The following EFHD1 variants were observed in gnomAD, a reference collection of about 807,000 sequenced individuals.
The protein encoded by EFHD1 is EF-hand domain family member D1, also known as EF-hand domain-containing protein D1.
EFHD1 carries 10 observed loss-of-function variants against 17.2 expected under a neutral mutation model. That is an observed-to-expected ratio of 0.58 (90% confidence interval 0.36 to 0.99). The LOEUF is 0.99. Ranked by LOEUF, EFHD1 falls within the 50% of genes least tolerant of loss-of-function variation. EFHD1 has a pLI of 0.01. For synonymous variants in EFHD1, 153 were observed against 142.0 expected (o/e 1.08, Z -0.55); for missense variants, 310 against 327.5 (o/e 0.95, Z 0.41).
At chr2:232,679,396 C>CTT (rs142540466) in intron 3 of EFHD1, among the ~76,000 whole-genome samples, 7 of 148,606 alleles carry the variant, frequency 4.7e-5, no homozygotes, top group African/African-American at 1.7e-4. Context: ...ATTCTTTTAT[C>CTT]TTTTTTTTTT....
intron 1 of EFHD1, among the ~76,000 whole-genome samples, chr2:232,662,174 C>T: frequency 6.6e-6 from 1 of 152,166 alleles, no homozygotes; most frequent in Non-Finnish European, 1.5e-5. Context: ...GGCCAGTCAG[C>T]AGAGGGGTGG....
At chr2:232,659,813 C>A (rs905669550) in intron 1 of EFHD1, among the ~76,000 whole-genome samples, 2 of 152,172 alleles carry the variant, frequency 1.3e-5, no homozygotes, top group South Asian at 2.1e-4. Flanking sequence ...AGCATGGCAG[C>A]GTGTGCTTGG....
chr2:232,613,807 TACACACATATAC>T (rs1357574071), intron 1 of EFHD1, among the ~76,000 whole-genome samples: 1 of 125,622 alleles, frequency 8.0e-6, no homozygotes, highest in African/African-American at 3.0e-5. Flanking sequence ...CACAAAAATA[TACACACATATAC>T]ACACACAAAT....
At chr2:232,662,751 A>G in intron 1 of EFHD1, 51 bp from the exon 2 acceptor site, 1 of 1,546,650 alleles carries the variant, frequency 6.5e-7, no homozygotes, top group Non-Finnish European at 8.6e-7. Flanking sequence ...CATGTTTCGG[A>G]GACTAACGAG....
chr2:232,613,626 ACACACAT>A (rs1693848181), intron 1 of EFHD1, among the ~76,000 whole-genome samples: 2 of 132,014 alleles, frequency 1.5e-5, no homozygotes, highest in Admixed American at 1.5e-4. Flanking sequence ...ACACACACAC[ACACACAT>A]ATACACACAC....
At chr2:232,629,197 C>T (rs1694158916), upstream of EFHD1, among the ~76,000 whole-genome samples, 1 of 152,230 alleles carries the variant, frequency 6.6e-6, no homozygotes, top group South Asian at 2.1e-4. Context: ...CCGCTACCTT[C>T]AGGGATGGTT....
intron 3 of EFHD1, among the ~76,000 whole-genome samples, chr2:232,678,127 A>C (rs919253447): frequency 3.3e-5 from 5 of 151,936 alleles, no homozygotes; most frequent in Non-Finnish European, 7.4e-5. Context: ...ACTAAAAAAA[A>C]CAAAAATTAG....
intron 1 of EFHD1, among the ~76,000 whole-genome samples, chr2:232,615,312 AGT>A (rs35239145): frequency 0.017 from 2,309 of 136,520 alleles, 40 homozygotes; most frequent in African/African-American, 0.043. Context: ...TGTCAACTAT[AGT>A]GTGTGTGTGT....
intron 1 of EFHD1, among the ~76,000 whole-genome samples, chr2:232,622,206 G>T (rs562092535): frequency 6.6e-6 from 1 of 152,340 alleles, no homozygotes; most frequent in South Asian, 2.1e-4. Flanking sequence ...GGTGGCTTAC[G>T]CCTGTAATCC....
upstream of EFHD1, among the ~76,000 whole-genome samples, chr2:232,629,089 A>AG (rs1444489854): frequency 1.3e-5 from 2 of 152,204 alleles, no homozygotes; most frequent in Admixed American, 6.5e-5. Flanking sequence ...CTCCAGCCTT[A>AG]GCACAGCCCC....
chr2:232,642,159 T>A (rs1198551003), intron 1 of EFHD1, among the ~76,000 whole-genome samples: 5 of 151,446 alleles, frequency 3.3e-5, no homozygotes, highest in Non-Finnish European at 1.5e-5. Context: ...CCGAGGTGGG[T>A]GGATCACAAG....
At chr2:232,611,009 T>C (rs774209138) in intron 1 of EFHD1, 3 of 152,194 alleles carry the variant, frequency 2.0e-5, no homozygotes, top group Non-Finnish European at 4.4e-5. Flanking sequence ...AGACCTCATC[T>C]CTACAAATTT....
intron 3 of EFHD1, among the ~76,000 whole-genome samples, chr2:232,674,367 C>T (rs764315446): frequency 3.3e-5 from 5 of 152,202 alleles, no homozygotes; most frequent in Non-Finnish European, 4.4e-5. Flanking sequence ...GATGCAGCTG[C>T]GTGTCCGTGT....
chr2:232,624,391 G>A (rs1021752317), intron 1 of EFHD1, among the ~76,000 whole-genome samples: 3 of 152,236 alleles, frequency 2.0e-5, no homozygotes, highest in Admixed American at 6.5e-5. Context: ...GAGCCTGTGG[G>A]TCTGGCTTGG....
In EFHD1 at chr2:232,647,573, C is replaced by T. The variant is rs1028809585; in HGVS notation, c.302+13567C>T. Among the ~76,000 whole-genome samples the T allele has an allele frequency of 1.1e-4, 16 of 151,966 alleles. 1 individual carries two copies. The highest frequency in any genetic ancestry group is 2.4e-4 in the Non-Finnish European group (16 of 68,006). The stretch of plus-strand genomic sequence containing the variant: ...GATATCCACAGGGCTCCTGGGAATT[C>T]CAGAAGAATTAGGTTTCCAGGGGCC... On this transcript the variant is annotated intron_variant, in intron 1 of 3. Transcript: ENST00000264059.
At chr2:232,658,367 C>G (rs1694800080) in intron 1 of EFHD1, among the ~76,000 whole-genome samples, 1 of 144,554 alleles carries the variant, frequency 6.9e-6, no homozygotes, top group Non-Finnish European at 1.5e-5. Flanking sequence ...CTAATTGTAT[C>G]CATACTTCTC....
In EFHD1 at chr2:232,633,637, G is replaced by C. The variant is rs928334715; in HGVS notation, c.-68G>C. 26 of 1,357,258 alleles carry C rather than the reference G, an allele frequency of 1.9e-5. No individual in the cohort carries two copies. Among genetic ancestry groups the C allele is most frequent in the Non-Finnish European group, 2.3e-5 (25 of 1,064,374 alleles). The allele number at this position is 1,357,258 out of a possible 1,614,324, so 84.1% of individuals were successfully genotyped here. ...GTAGAGCCTCGAGCCTGCGAGGAGC[G>C]CGCCGCCCGCCAGCTCCCTGCGTCC... On this transcript the variant is annotated 5_prime_UTR_variant, in exon 1 of 4. Coordinates refer to ENST00000264059, the MANE Select transcript of EFHD1 (RefSeq NM_025202.4).
At chr2:232,638,996 G>A (rs551208931) in intron 1 of EFHD1, among the ~76,000 whole-genome samples, 2 of 152,294 alleles carry the variant, frequency 1.3e-5, no homozygotes, top group South Asian at 4.1e-4. Context: ...TTGGAACTGT[G>A]TCTTAGACGG....
intron 1 of EFHD1, among the ~76,000 whole-genome samples, chr2:232,644,610 T>C (rs1462089879): frequency 6.6e-6 from 1 of 151,884 alleles, no homozygotes; most frequent in Non-Finnish European, 1.5e-5. Flanking sequence ...CCTCCCGGGT[T>C]CAAGCAATTC....
Sources: gnomAD v4.1 joint callset for allele counts (sites outside exome capture counted in the v4.1 genomes callset) on GRCh38, gnomAD v4.1.1 for gene constraint, MANE v1.5 for transcripts, NCBI Gene and HGNC (gene_info 2026-07-23, HGNC 2026-07-21) for gene names.